The following RBFOX1 variants were observed in gnomAD, a reference collection of about 807,000 sequenced individuals.
RBFOX1 encodes the protein RNA binding fox-1 homolog 1.
Under a neutral mutation model 57.7 loss-of-function variants are expected in RBFOX1, and 8 were observed. The observed-to-expected ratio is 0.14, with a 90% CI of 0.08 to 0.25. The LOEUF (loss-of-function observed/expected upper bound fraction) is 0.25. RBFOX1 is among the 10% of genes least tolerant of loss of function. The probability of loss-of-function intolerance (pLI) is 1.00; values close to 1 mark genes in which losing one functional copy is unlikely to be tolerated. For missense variants in RBFOX1, 611 were observed against 548.5 expected, an observed-to-expected ratio of 1.11 and a Z score of -1.14; for synonymous variants, 326 against 222.4, an observed-to-expected ratio of 1.47 and a Z score of -4.15.
chr16:7,012,623 A>T (rs1186020630), intron 3 of RBFOX1, among the ~76,000 whole-genome samples: 1 of 152,102 alleles, frequency 6.6e-6, no homozygotes, highest in African/African-American at 2.4e-5. Context: ...ATTGTGCTCC[A>T]GAAAAAAATG....
intron 1 of RBFOX1, among the ~76,000 whole-genome samples, chr16:6,316,006 T>C (rs1012543679): frequency 4.6e-5 from 7 of 152,244 alleles, no homozygotes; most frequent in African/African-American, 1.7e-4. Flanking sequence ...GCAAATAATG[T>C]TTAAAATTTA....
chr16:6,231,979 G>A (rs1024648092), intron 1 of RBFOX1, among the ~76,000 whole-genome samples: 1 of 152,060 alleles, frequency 6.6e-6, no homozygotes, highest in Admixed American at 6.6e-5. Context: ...CGGGAGGGAG[G>A]TGGATTTGTA....
chr16:6,806,765 CTT>C (rs1412199780), intron 3 of RBFOX1, among the ~76,000 whole-genome samples: 2 of 121,366 alleles, frequency 1.6e-5, no homozygotes, highest in African/African-American at 2.9e-5. Flanking sequence ...TCTATTTTTT[CTT>C]TGTTTCTTTT....
At chr16:7,107,655 C>T (rs1243207010) in intron 4 of RBFOX1, among the ~76,000 whole-genome samples, 1 of 152,098 alleles carries the variant, frequency 6.6e-6, no homozygotes, top group African/African-American at 2.4e-5. Flanking sequence ...CTCCCCAAAA[C>T]AACCACCAAT....
intron 4 of RBFOX1, among the ~76,000 whole-genome samples, chr16:7,189,548 C>A (rs1217215234): frequency 7.0e-6 from 1 of 143,876 alleles, no homozygotes; most frequent in African/African-American, 2.7e-5. Context: ...ACACTATGTC[C>A]CCCAAAACAC....
At chr16:6,960,328 C>T (rs904018931) in intron 3 of RBFOX1, among the ~76,000 whole-genome samples, 10 of 152,136 alleles carry the variant, frequency 6.6e-5, no homozygotes, top group African/African-American at 2.4e-4. Context: ...GACGAATGCA[C>T]ACTTACAGGT....
intron 3 of RBFOX1, among the ~76,000 whole-genome samples, chr16:6,948,725 A>G (rs1438891885): frequency 2.6e-5 from 4 of 152,078 alleles, no homozygotes; most frequent in East Asian, 1.9e-4. Flanking sequence ...TCATTTGACT[A>G]TGTTTTGAAA....
chr16:5,600,396 G>T (rs1222665682), downstream of RBFOX1, among the ~76,000 whole-genome samples: 3 of 151,562 alleles, frequency 2.0e-5, no homozygotes, highest in Non-Finnish European at 4.4e-5. Context: ...TGAGGTGGGA[G>T]GATTGCTTGA....
chr16:6,256,203 G>GTATATATATA (rs1243022140), intron 1 of RBFOX1, among the ~76,000 whole-genome samples: 1 of 41,206 alleles, frequency 2.4e-5, no homozygotes, highest in African/African-American at 7.4e-5. Context: ...ATATGTATAT[G>GTATATATATA]TATATGTGTA....
intron 3 of RBFOX1, among the ~76,000 whole-genome samples, chr16:5,758,981 A>C (rs1389725456): frequency 6.6e-6 from 1 of 152,190 alleles, no homozygotes; most frequent in South Asian, 2.1e-4. Flanking sequence ...TTGGGAAGAC[A>C]CCATTTGCAG....
chr16:5,282,013 C>G (rs111493398), intron 1 of RBFOX1, among the ~76,000 whole-genome samples: 3 of 152,306 alleles, frequency 2.0e-5, no homozygotes, highest in South Asian at 2.1e-4. Flanking sequence ...TGTCCCCACT[C>G]AGATGTCATC....
intron 3 of RBFOX1, among the ~76,000 whole-genome samples, chr16:5,678,187 C>T (rs1373793948): frequency 6.6e-6 from 1 of 152,180 alleles, no homozygotes; most frequent in African/African-American, 2.4e-5. Context: ...GACACTGGCT[C>T]TGGTTCCAGC....
At chr16:6,802,174 C>G (rs894652667) in intron 3 of RBFOX1, among the ~76,000 whole-genome samples, 2 of 151,994 alleles carry the variant, frequency 1.3e-5, no homozygotes, top group African/African-American at 4.8e-5. Flanking sequence ...TCTGGGTGGG[C>G]TTTGGTTGCA....
intron 4 of RBFOX1, among the ~76,000 whole-genome samples, chr16:7,224,086 C>G (rs1340807383): frequency 8.6e-6 from 1 of 116,270 alleles, no homozygotes; most frequent in African/African-American, 3.4e-5. Context: ...TGTTCTGGGT[C>G]TTTCAGGATC....
At chr16:6,920,601 A>C (rs2074252412) in intron 3 of RBFOX1, among the ~76,000 whole-genome samples, 1 of 152,196 alleles carries the variant, frequency 6.6e-6, no homozygotes, top group South Asian at 2.1e-4. Context: ...AGAAGTCTGA[A>C]ATCAAGATGT....
intron 3 of RBFOX1, among the ~76,000 whole-genome samples, chr16:6,979,556 GC>G (rs1295472681): frequency 6.6e-6 from 1 of 152,150 alleles, no homozygotes; most frequent in African/African-American, 2.4e-5. Flanking sequence ...CAATGCTTTT[GC>G]AAAAGAAGAG....
At chr16:6,372,933 G>A (rs1342844659) in intron 2 of RBFOX1, among the ~76,000 whole-genome samples, 1 of 151,782 alleles carries the variant, frequency 6.6e-6, no homozygotes, top group East Asian at 1.9e-4. Context: ...TGTTGGGTAG[G>A]AGGATTGTTG....
chr16:7,168,314 C>T (rs558835384), intron 4 of RBFOX1, among the ~76,000 whole-genome samples: 1 of 152,180 alleles, frequency 6.6e-6, no homozygotes, highest in African/African-American at 2.4e-5. Context: ...GTCTGTTTTG[C>T]AGCTGAGACA....
intron 1 of RBFOX1, among the ~76,000 whole-genome samples, chr16:5,445,926 T>C (rs974592420): frequency 2.0e-5 from 3 of 152,158 alleles, no homozygotes; most frequent in African/African-American, 7.2e-5. Flanking sequence ...ATGCTTTGAG[T>C]GGGAATGTGA....
Sources: allele counts gnomAD v4.1 joint callset (sites outside exome capture counted in the v4.1 genomes callset), GRCh38; gene constraint gnomAD v4.1.1; transcripts MANE v1.5; gene names NCBI Gene and HGNC (gene_info 2026-07-23, HGNC 2026-07-21).